Variants in WNT2B observed in about 807,000 individuals in gnomAD.
WNT2B encodes the protein Wnt family member 2B, also known as protein Wnt-2b.
WNT2B carries 19 observed loss-of-function variants against 40.5 expected under a neutral mutation model. The observed-to-expected ratio is 0.47, with a 90% CI of 0.33 to 0.69. WNT2B has a LOEUF of 0.69. WNT2B is among the 30% of genes least tolerant of loss of function. The pLI is 0.02. For missense variants in WNT2B, 467 were observed against 556.4 expected (o/e 0.84, Z 1.62); for synonymous variants, 220 against 211.9 (o/e 1.04, Z -0.33).
In WNT2B at chr1:112,528,795, G is replaced by A. The variant is rs186376194; in HGVS notation, c.*8286G>A. 9 of 152,306 alleles carry A rather than the reference G, an allele frequency of 5.9e-5. No homozygotes were observed. In the East Asian group the frequency reaches 1.7e-3, roughly 29 times the overall value. 9.4% of individuals were successfully genotyped at this position (152,306 alleles called of 1,614,324 possible). A position where few individuals can be genotyped will look rare whatever the true frequency, so the allele number is the denominator to read the frequency against. ...TTGGTATATTGAATTTTTGCAGCTA[G>A]CAGATTTATCGTATCTGAGGCCATA... On this transcript the variant is annotated 3_prime_UTR_variant, in exon 5 of 5. Coordinates refer to ENST00000369684, the MANE Select transcript of WNT2B (RefSeq NM_024494.3).
intron 1 of WNT2B, among the ~76,000 whole-genome samples, chr1:112,499,150 G>A (rs1483722474): frequency 3.4e-5 from 5 of 147,538 alleles, no homozygotes; most frequent in African/African-American, 5.0e-5. Context: ...AGGTTGCAGT[G>A]AGCCAAGATC....
chr1:112,467,398 T>A (rs1557903935), exon 1 of WNT2B: 1 of 626,020 alleles, frequency 1.6e-6, no homozygotes, highest in Non-Finnish European at 2.9e-6. Flanking sequence ...TCGAGGCCCA[T>A]CACTGGCATG....
intron 1 of WNT2B, among the ~76,000 whole-genome samples, chr1:112,498,657 G>C (rs763614243): frequency 9.2e-5 from 14 of 152,166 alleles, no homozygotes; most frequent in Middle Eastern, 6.8e-3. Flanking sequence ...AACAAAGATG[G>C]CCTTTCCTCC....
upstream of WNT2B, among the ~76,000 whole-genome samples, chr1:112,505,820 A>T (rs1041674751): frequency 2.6e-5 from 4 of 152,106 alleles, no homozygotes; most frequent in Non-Finnish European, 4.4e-5. Context: ...AGGAGAGGGG[A>T]CAAAGAAGCA....
chr1:112,490,610 C>T (rs1413454446), intron 1 of WNT2B, among the ~76,000 whole-genome samples: 1 of 151,974 alleles, frequency 6.6e-6, no homozygotes, highest in Non-Finnish European at 1.5e-5. Context: ...CTGCCTCAGC[C>T]TCCCTAGTAG....
rs771784684 is a variant in WNT2B, at chr1:112,467,552, T to C, written c.-134T>C. The C allele has an allele frequency of 7.7e-6, 6 of 781,062 alleles. No homozygotes were observed. In the South Asian group the frequency reaches 8.0e-5, roughly 10 times the overall value. The allele number at this position is 781,062 out of a possible 1,614,324, so 48.4% of individuals were successfully genotyped here. ...CACTTTCCCACATGTTGGATGGCCT[T>C]GGAGTGGTAGCCATAAGCATTTTTG... On this transcript the variant is annotated 5_prime_UTR_variant, in exon 1 of 5. Coordinates refer to the WNT2B transcript ENST00000256640.
intron 1 of WNT2B, among the ~76,000 whole-genome samples, chr1:112,471,538 C>G (rs1016443074): frequency 6.6e-6 from 1 of 152,146 alleles, no homozygotes; most frequent in Admixed American, 6.5e-5. Context: ...TCTAGTCAGC[C>G]ATTTTGAACC....
intron 1 of WNT2B, among the ~76,000 whole-genome samples, chr1:112,496,173 A>G (rs351354): frequency 0.84 from 127,023 of 152,004 alleles, 53,188 homozygotes; most frequent in South Asian, 0.88. Context: ...GAGTACAGCG[A>G]TGTAATCATA....
chr1:112,509,189 A>G lies in WNT2B; in HGVS notation c.-74A>G. The G allele has an allele frequency of 7.0e-7, 1 of 1,419,072 alleles. No homozygotes were observed. The highest frequency in any genetic ancestry group is 1.5e-5 in the South Asian group (1 of 65,832). The allele number at this position is 1,419,072 out of a possible 1,614,324, so 87.9% of individuals were successfully genotyped here. On this transcript the variant is annotated 5_prime_UTR_variant, in exon 1 of 5. Transcript: ENST00000369684. This position sits in a 1 kb window ranked among gnomAD's most constrained non-coding sequence, Gnocchi z 4.2. ...TGGCCCCCCAGGGGGGTGAGGTAGG[A>G]GCAGCCTGAGTACCCCCAGAAGGTG...
rs1313215862 is a variant in WNT2B, at chr1:112,515,122, C to T, written c.403+28C>T. 1 of 1,605,554 alleles carries T rather than the reference C, an allele frequency of 6.2e-7. No individual in the cohort carries two copies. The highest frequency in any genetic ancestry group is 1.3e-5 in the African/African-American group (1 of 74,718). On this transcript the variant is annotated intron_variant, in intron 2 of 4. Transcript: ENST00000369684. This position sits in a 1 kb window ranked among gnomAD's most constrained non-coding sequence, Gnocchi z 4.4. The stretch of plus-strand genomic sequence containing the variant: ...AAGAGCCTCTTCCATCCTGTGTCAG[C>T]TCCTTCCCTTTCTGTGCTGGGGGTG...
At chr1:112,510,108 G>A (rs1380830231) in intron 1 of WNT2B, among the ~76,000 whole-genome samples, 1 of 152,072 alleles carries the variant, frequency 6.6e-6, no homozygotes, top group African/African-American at 2.4e-5. Context: ...TCCCCTCCAA[G>A]AGCCAGAGGG....
At chr1:112,477,822 A>G (rs1345694276) in intron 1 of WNT2B, among the ~76,000 whole-genome samples, 3 of 152,240 alleles carry the variant, frequency 2.0e-5, no homozygotes, top group Non-Finnish European at 4.4e-5. Context: ...AAGACACATC[A>G]TTTGAAATTA....
At chr1:112,484,268 TACACATATATATATATATATATACAC>T (rs1651335732) in intron 1 of WNT2B, among the ~76,000 whole-genome samples, 3 of 61,112 alleles carry the variant, frequency 4.9e-5, no homozygotes, top group African/African-American at 1.2e-4. Context: ...CATATATATA[TACACATATATATATATATATATACAC>T]ACACATATAT....
intron 1 of WNT2B, among the ~76,000 whole-genome samples, chr1:112,469,017 G>T (rs947105030): frequency 7.9e-5 from 12 of 152,180 alleles, no homozygotes; most frequent in African/African-American, 2.9e-4. Context: ...GCATTCTTGT[G>T]CATATGGTTA....
At chr1:112,498,073 CT>C (rs1253329623) in intron 1 of WNT2B, among the ~76,000 whole-genome samples, 6 of 152,000 alleles carry the variant, frequency 3.9e-5, no homozygotes, top group Non-Finnish European at 7.4e-5. Context: ...TCTCTGTCCC[CT>C]TTCCCCCCCA....
intron 1 of WNT2B, among the ~76,000 whole-genome samples, chr1:112,496,952 G>T (rs867576102): frequency 6.6e-6 from 1 of 152,152 alleles, no homozygotes; most frequent in African/African-American, 2.4e-5. Context: ...GGAGTAACAG[G>T]TCCCAAGTAA....
At chr1:112,489,456 C>T (rs1284119775) in intron 1 of WNT2B, among the ~76,000 whole-genome samples, 1 of 151,796 alleles carries the variant, frequency 6.6e-6, no homozygotes, top group Non-Finnish European at 1.5e-5. Flanking sequence ...CCCAGCTACT[C>T]GGGAGGCTGA....
In WNT2B at chr1:112,521,694, T is replaced by G. The variant is rs912473301; in HGVS notation, c.*1185T>G. ...CCTAGTGATTATTATTATTGTTCAC[T>G]CCACATTTGGCTTAATGGGTAATGC... On this transcript the variant is annotated 3_prime_UTR_variant, in exon 5 of 5. Coordinates refer to ENST00000369684, the MANE Select transcript of WNT2B (RefSeq NM_024494.3). 2.6e-5 allele frequency: 4 copies of G among 152,194 alleles called. No individual in the cohort carries two copies. Among genetic ancestry groups the G allele is most frequent in the Non-Finnish European group, 5.9e-5 (4 of 68,036 alleles). 9.4% of individuals were successfully genotyped at this position (152,194 alleles called of 1,614,324 possible). A position where few individuals can be genotyped will look rare whatever the true frequency, so the allele number is the denominator to read the frequency against.
upstream of WNT2B, among the ~76,000 whole-genome samples, chr1:112,504,576 G>A (rs114535937): frequency 0.011 from 1,622 of 152,238 alleles, 34 homozygotes; most frequent in African/African-American, 0.036. Context: ...ACAGCTCCTG[G>A]GTTCTTCCCA....
Sources: allele counts gnomAD v4.1 joint callset (sites outside exome capture counted in the v4.1 genomes callset), GRCh38; gene constraint gnomAD v4.1.1; non-coding constraint Gnocchi (gnomAD v3.1); transcripts MANE v1.5; gene names NCBI Gene and HGNC (gene_info 2026-07-23, HGNC 2026-07-21).